The following LRP1B variants were observed in gnomAD, a reference collection of about 807,000 sequenced individuals.
LRP1B encodes LDL receptor related protein 1B.
A neutral mutation model predicts 556.6 loss-of-function variants in LRP1B; 217 were observed. That is an observed-to-expected ratio of 0.39 (90% CI 0.35 to 0.44). The LOEUF (loss-of-function observed/expected upper bound fraction) is 0.44. Ranked by LOEUF, LRP1B falls within the 20% of genes least tolerant of loss-of-function variation. The pLI is 1.00. For missense variants in LRP1B, 5,053 were observed against 5,620.8 expected (o/e 0.90, Z 3.23); for synonymous variants, 2,047 against 1,865.8 (o/e 1.10, Z -2.50).
At chr2:141,397,167 AG>A (rs1229061554) in intron 3 of LRP1B, among the ~76,000 whole-genome samples, 22 of 146,678 alleles carry the variant, frequency 1.5e-4, no homozygotes, top group East Asian at 2.0e-4. Flanking sequence ...GAAACTAGAA[AG>A]AGAAGTTTAG....
intron 2 of LRP1B, among the ~76,000 whole-genome samples, chr2:141,643,450 G>A (rs955933160): frequency 2.0e-5 from 3 of 152,058 alleles, no homozygotes; most frequent in Non-Finnish European, 4.4e-5. Context: ...AAAGTTAGAC[G>A]GAGAGGAATA....
chr2:141,963,401 A>G (rs148721595), intron 1 of LRP1B, among the ~76,000 whole-genome samples: 2 of 152,000 alleles, frequency 1.3e-5, no homozygotes, highest in East Asian at 3.9e-4. Flanking sequence ...AGCAAGTAAG[A>G]AATTGGCTTC....
Position 141,044,414 on chromosome 2 carries a change from A to G in LRP1B, c.1789+4572T>C, listed in dbSNP as rs867195670. 6.0e-4 allele frequency among the ~76,000 whole-genome samples: 91 copies of G among 151,734 alleles called. No homozygotes were observed. The Middle Eastern group carries it at 9.5e-3, about 16-fold the overall frequency. On this transcript the variant is annotated intron_variant, in intron 11 of 90. Coordinates refer to ENST00000389484, the MANE Select transcript of LRP1B (RefSeq NM_018557.3). The stretch of plus-strand genomic sequence containing the variant: ...GCAATGGCAACAAAAGACAAAATTG[A>G]CAAAAGGGATCTAATTAAACTAAAG...
At chr2:141,715,259 G>A (rs1265281537) in intron 2 of LRP1B, among the ~76,000 whole-genome samples, 1 of 152,080 alleles carries the variant, frequency 6.6e-6, no homozygotes, top group African/African-American at 2.4e-5. Context: ...CTTGAGCCCA[G>A]GAGTTCGACA....
At chr2:140,813,872 C>T (rs2105037484) in intron 31 of LRP1B, 66 bp from the exon 32 acceptor site, 2 of 1,112,564 alleles carry the variant, frequency 1.8e-6, no homozygotes, top group South Asian at 2.9e-5. Flanking sequence ...CACCTAGCAC[C>T]ACTGGATTTG....
At chr2:140,716,125 T>C (rs2105462099) in intron 36 of LRP1B, 23 bp from the exon 37 acceptor site, 1 of 1,525,416 alleles carries the variant, frequency 6.6e-7, no homozygotes, top group Non-Finnish European at 8.9e-7. Context: ...ATAGAGGTGT[T>C]TATAATACAG....
intron 41 of LRP1B, among the ~76,000 whole-genome samples, chr2:140,686,529 T>C (rs1318692972): frequency 6.6e-6 from 1 of 151,982 alleles, no homozygotes; most frequent in Non-Finnish European, 1.5e-5. Flanking sequence ...ATAATAATAG[T>C]GAGGTTGGAT....
chr2:140,594,145 T>C (rs1156334188), intron 43 of LRP1B, among the ~76,000 whole-genome samples: 4 of 152,124 alleles, frequency 2.6e-5, no homozygotes. Context: ...ATTTTTTGTA[T>C]TTTTAGTAGA....
chr2:141,568,382 G>A (rs752790584), intron 2 of LRP1B, among the ~76,000 whole-genome samples: 3 of 151,158 alleles, frequency 2.0e-5, no homozygotes, highest in African/African-American at 7.3e-5. Flanking sequence ...TTTTACCTGA[G>A]TGCCTCAAGA....
intron 1 of LRP1B, among the ~76,000 whole-genome samples, chr2:142,091,896 C>A (rs892320389): frequency 1.3e-5 from 2 of 152,094 alleles, no homozygotes; most frequent in Non-Finnish European, 2.9e-5. Context: ...TTTTTCCTTC[C>A]ACATAAAAGG....
intron 43 of LRP1B, among the ~76,000 whole-genome samples, chr2:140,578,159 C>T (rs1681608591): frequency 6.6e-6 from 1 of 152,016 alleles, no homozygotes; most frequent in African/African-American, 2.4e-5. Context: ...TTTAAACAAC[C>T]CAATTTTATA....
At chr2:141,566,073 A>G (rs1272994332) in intron 2 of LRP1B, among the ~76,000 whole-genome samples, 1 of 152,042 alleles carries the variant, frequency 6.6e-6, no homozygotes, top group East Asian at 1.9e-4. Flanking sequence ...ATCACCTTCC[A>G]CTAATAATAT....
At chr2:141,425,426 T>C (rs1295356941) in intron 3 of LRP1B, among the ~76,000 whole-genome samples, 1 of 150,952 alleles carries the variant, frequency 6.6e-6, no homozygotes, top group Non-Finnish European at 1.5e-5. Flanking sequence ...TTCCTTTGGG[T>C]ATATACCCAG....
rs532751080 is a variant in LRP1B at position 141,380,749 on chromosome 2, A to G, written c.343+99647T>C. On this transcript the variant is annotated intron_variant, in intron 3 of 90. Coordinates refer to ENST00000389484, the MANE Select transcript of LRP1B (RefSeq NM_018557.3). Reference sequence around the variant, plus strand: ...GAGGAGAGAAGGAGCTGGACCACACATGTAGCACCTCAAGTTTTCTGGCTG... The same window carrying G: ...GAGGAGAGAAGGAGCTGGACCACACGTGTAGCACCTCAAGTTTTCTGGCTG... Among the ~76,000 whole-genome samples, 4 of 152,282 alleles carry G rather than the reference A, an allele frequency of 2.6e-5. No individual in the cohort carries two copies. The East Asian group carries it at 7.7e-4, about 29-fold the overall frequency.
At chr2:140,319,916 C>T (rs1680008333) in intron 82 of LRP1B, among the ~76,000 whole-genome samples, 1 of 152,136 alleles carries the variant, frequency 6.6e-6, no homozygotes, top group Non-Finnish European at 1.5e-5. Flanking sequence ...AAATACCAAT[C>T]ATGATTCACA....
At chr2:142,032,126 A>C (rs1286017129) in intron 1 of LRP1B, among the ~76,000 whole-genome samples, 1 of 151,878 alleles carries the variant, frequency 6.6e-6, no homozygotes, top group African/African-American at 2.4e-5. Flanking sequence ...ACTTGGTTAC[A>C]GTGGCCCTAG....
chr2:140,826,954 A>C lies in LRP1B; in HGVS notation c.5209+13037T>G, dbSNP rs990721054. ...ATCTCAATGAGTATTCTGAGCATGAAGACCCAGCCAGTCTCCTACAGAGCC... is the reference window on the plus strand; with the variant it reads ...ATCTCAATGAGTATTCTGAGCATGACGACCCAGCCAGTCTCCTACAGAGCC... On this transcript the variant is annotated intron_variant, in intron 31 of 90. Transcript: ENST00000389484. Among the ~76,000 whole-genome samples, 6 of 152,150 alleles carry C rather than the reference A, an allele frequency of 3.9e-5. 1 individual carries two copies. The highest frequency in any genetic ancestry group is 3.3e-4 in the Admixed American group (5 of 15,280).
intron 43 of LRP1B, among the ~76,000 whole-genome samples, chr2:140,580,770 G>A (rs1681729742): frequency 6.6e-6 from 1 of 151,848 alleles, no homozygotes; most frequent in African/African-American, 2.4e-5. Context: ...AGTCCTTTGG[G>A]AGGAACTAGA....
At chr2:140,712,576 T>C (rs949818781) in intron 37 of LRP1B, among the ~76,000 whole-genome samples, 1 of 152,004 alleles carries the variant, frequency 6.6e-6, no homozygotes, top group African/African-American at 2.4e-5. Context: ...TGCCTATGAA[T>C]ATGTGCAATA....
Sources: gnomAD v4.1 joint callset for allele counts (sites outside exome capture counted in the v4.1 genomes callset) on GRCh38, gnomAD v4.1.1 for gene constraint, MANE v1.5 for transcripts, NCBI Gene and HGNC (gene_info 2026-07-23, HGNC 2026-07-21) for gene names.